Variants in ATP8B3 observed in about 807,000 individuals in gnomAD.
ATP8B3 encodes ATPase phospholipid transporting 8B3.
ATP8B3 carries 141 observed loss-of-function variants against 140.9 expected under a neutral mutation model. That is an observed-to-expected ratio of 1.00 (90% confidence interval 0.87 to 1.15). The LOEUF (loss-of-function observed/expected upper bound fraction) is 1.15, where lower values mean the gene tolerates loss of function less well. Among genes scored for constraint, ATP8B3 ranks in the 50% most tolerant of loss-of-function variants. The pLI, the probability that ATP8B3 is intolerant of heterozygous loss-of-function variation, is 0.00. For synonymous variants in ATP8B3, 765 were observed against 714.6 expected, an observed-to-expected ratio of 1.07 and a Z score of -1.13; for missense variants, 1,874 against 1,740.6, an observed-to-expected ratio of 1.08 and a Z score of -1.36.
rs1219067951 is a variant in ATP8B3 at position 1,789,734 on chromosome 19, G to A, written c.2479-7C>T. 4 of 1,551,288 alleles carry A rather than the reference G, an allele frequency of 2.6e-6. No individual in the cohort carries two copies. The highest frequency in any genetic ancestry group is 2.1e-4 in the Middle Eastern group (1 of 4,810). On this transcript the variant is annotated splice_region_variant and splice_polypyrimidine_tract_variant and intron_variant, in intron 22 of 28. Transcript: ENST00000310127. ...GGGACACCAGCAGTTTGTCCTGGCC[G>A]GCGGGGAGGGGGCTGTGCCAGGCGC...
chr19:1,795,217 T>G (rs1600428535), intron 18 of ATP8B3, among the ~76,000 whole-genome samples: 1 of 151,978 alleles, frequency 6.6e-6, no homozygotes, highest in South Asian at 2.1e-4. Context: ...ATTGCACCAT[T>G]GCACTCCAGC....
chr19:1,787,662 G>A (rs1157414250), intron 24 of ATP8B3, among the ~76,000 whole-genome samples: 11 of 150,384 alleles, frequency 7.3e-5, no homozygotes, highest in African/African-American at 2.7e-4. Context: ...CCAGGAGACG[G>A]AGGTTGCAGT....
intron 14 of ATP8B3, among the ~76,000 whole-genome samples, chr19:1,798,570 C>T (rs2145193135): frequency 6.6e-6 from 1 of 151,640 alleles, no homozygotes; most frequent in African/African-American, 2.4e-5. Context: ...AACCCTGTCT[C>T]TATTAAAAAT....
chr19:1,786,835 A>C (rs2068320956), intron 25 of ATP8B3, among the ~76,000 whole-genome samples: 1 of 151,138 alleles, frequency 6.6e-6, no homozygotes. Context: ...TCCCCATTGC[A>C]TGGATGGGTA....
At chr19:1,796,412 G>A in intron 16 of ATP8B3, 147 bp from the exon 17 acceptor site, 1 of 826,186 alleles carries the variant, frequency 1.2e-6, no homozygotes, top group Non-Finnish European at 1.8e-6. Context: ...GCATGGAGGT[G>A]AGCACTTGAG....
intron 23 of ATP8B3, 58 bp from the exon 24 acceptor site, chr19:1,789,178 C>T (rs1276757356): frequency 8.7e-7 from 1 of 1,154,916 alleles, no homozygotes; most frequent in Non-Finnish European, 1.2e-6. Flanking sequence ...GCCCGCCCCC[C>T]CAGACCCCCG....
rs774383812 is a variant in ATP8B3 at position 1,787,167 on chromosome 19, A to G, written c.3089T>C (p.Phe1030Ser). The G allele has an allele frequency of 2.9e-5, 47 of 1,610,830 alleles. No homozygotes were observed. Among genetic ancestry groups the G allele is most frequent in the Non-Finnish European group, 3.8e-5 (45 of 1,178,446 alleles). Residue 1030 changes from phenylalanine to serine, a missense_variant, in exon 25 of 29, where the codon TTC becomes TCC. Phe to Ser is a radical substitution (Grantham distance 155, BLOSUM62 -2). Around this residue, in one of 3 missense-constraint regions of ATP8B3, gnomAD observed 840 missense variants for 760.9 expected, o/e 1.10. Transcript: ENST00000310127. ...FTGQPLYEGW[F>S]LALFNLLYST... Reference sequence around the variant, plus strand: ...GTACAGGAGGTTGAAAAGAGCCAGGAACCATCCTTCATACAGGGGCTGAGC... The same window carrying G: ...GTACAGGAGGTTGAAAAGAGCCAGGGACCATCCTTCATACAGGGGCTGAGC...
rs564373618 is a variant in ATP8B3, at chr19:1,805,185, G to A, written c.904+189C>T. Reference sequence around the variant, plus strand: ...AGATGGGGTCTCGTTATGTTGTCCAGGCTGGTCTTGAATTCCTGGGCTGAA... The same window carrying A: ...AGATGGGGTCTCGTTATGTTGTCCAAGCTGGTCTTGAATTCCTGGGCTGAA... On this transcript the variant is annotated intron_variant, in intron 10 of 28. Transcript: ENST00000310127. The surrounding 1 kb of genome is among the most constrained non-coding windows in gnomAD (Gnocchi z 5.2). 18 of 654,720 alleles carry A rather than the reference G, an allele frequency of 2.7e-5. No homozygotes were observed. The highest frequency in any genetic ancestry group is 5.3e-5 in the African/African-American group (3 of 56,112). 40.6% of individuals were successfully genotyped at this position (654,720 alleles called of 1,614,324 possible).
chr19:1,783,146 T>C lies in ATP8B3; in HGVS notation c.3785A>G (p.Asn1262Ser). 1 of 1,613,636 alleles carries C rather than the reference T, an allele frequency of 6.2e-7. No homozygotes were observed. Among genetic ancestry groups the C allele is most frequent in the South Asian group, 1.1e-5 (1 of 91,038 alleles). The change falls in exon 29 of 29, where the codon AAC becomes AGC. Residue 1262 changes from asparagine (N) to serine (S), a missense_variant. Physicochemically the swap from Asn to Ser is conservative, Grantham distance 46. Transcript: ENST00000310127. ...YAFSHREGYA[N>S]LITQGTILRR... ...CAGAATTGTGCCCTGAGTGATGAGGTTTGCATATCCCTCACGGTGGGAGAA... is the reference window on the plus strand; with the variant it reads ...CAGAATTGTGCCCTGAGTGATGAGGCTTGCATATCCCTCACGGTGGGAGAA...
chr19:1,782,341 TG>T lies in ATP8B3; in HGVS notation c.*686del, dbSNP rs2068186147. On this transcript the variant is annotated 3_prime_UTR_variant, in exon 29 of 29. Transcript: ENST00000310127. Reference sequence around the variant, plus strand: ...CCGCAGAGGGCAATGACTGCTCCTCTGGGGGCAAGGATAGCTGCTCCTCCCC... The same window carrying T: ...CCGCAGAGGGCAATGACTGCTCCTCTGGGGCAAGGATAGCTGCTCCTCCCC... The T allele has an allele frequency of 3.3e-6, 1 of 304,726 alleles. No individual in the cohort carries two copies. The allele number at this position is 304,726 out of a possible 1,614,324, so 18.9% of individuals were successfully genotyped here. A position where few individuals can be genotyped will look rare whatever the true frequency, so the allele number is the denominator to read the frequency against.
rs181880881 is a variant in ATP8B3, at chr19:1,789,768, C to T, written c.2479-41G>A. 1.2e-3 allele frequency: 1,888 copies of T among 1,548,492 alleles called. 22 individuals are homozygous for T. In the African/African-American group the frequency reaches 0.021, roughly 17 times the overall value. ...GGGGCTGTGCCAGGCGCCGTGGCCTCCAGGCCAGACTGGACCCTACCCGGC... is the reference window on the plus strand; with the variant it reads ...GGGGCTGTGCCAGGCGCCGTGGCCTTCAGGCCAGACTGGACCCTACCCGGC... On this transcript the variant is annotated intron_variant, in intron 22 of 28. Transcript: ENST00000310127.
Position 1,802,521 on chromosome 19 carries a change from GT to G in ATP8B3, c.1028del (p.Asn343ThrfsTer19). 6.2e-7 allele frequency: 1 copy of G among 1,605,118 alleles called. No homozygotes were observed. Among genetic ancestry groups the G allele is most frequent in the East Asian group, 2.2e-5 (1 of 44,530 alleles). ...TGACCAGTCCATAGCAGGTGTCTGT[GT>G]TGCGAATCCTGCAGCCTCGGAGGAG... ...NLLLRGCRIR[N>X]TDTCYGLVIY... On this transcript the variant is annotated frameshift_variant, in exon 11 of 29. Coordinates refer to ENST00000310127, the MANE Select transcript of ATP8B3 (RefSeq NM_138813.4). LOFTEE classifies it high-confidence loss of function.
rs972968978 is a variant in ATP8B3 at position 1,796,594 on chromosome 19, C to T, written c.1753+117G>A. Reference sequence around the variant, plus strand: ...GCGGCTGGTGTCACACCGGCCTCAGCGCCCCCCAAGCCAGCTGAAAGCCCT... The same window carrying T: ...GCGGCTGGTGTCACACCGGCCTCAGTGCCCCCCAAGCCAGCTGAAAGCCCT... On this transcript the variant is annotated intron_variant, in intron 16 of 28. Coordinates refer to ENST00000310127, the MANE Select transcript of ATP8B3 (RefSeq NM_138813.4). The T allele has an allele frequency of 1.6e-5, 21 of 1,336,466 alleles. No individual in the cohort carries two copies. In the East Asian group the frequency reaches 2.2e-4, roughly 14 times the overall value. 82.8% of individuals were successfully genotyped at this position (1,336,466 alleles called of 1,614,324 possible).
chr19:1,810,847 G>A (rs933736673), intron 2 of ATP8B3, among the ~76,000 whole-genome samples, 164 bp from the exon 3 acceptor site: 1 of 152,154 alleles, frequency 6.6e-6, no homozygotes, highest in African/African-American at 2.4e-5. Flanking sequence ...GCCATAGGCT[G>A]TGTGTCTTGC....
Position 1,785,178 on chromosome 19 carries a change from G to A in ATP8B3, c.3513C>T (p.Pro1171=), listed in dbSNP as rs547355137. The A allele has an allele frequency of 1.1e-5, 18 of 1,591,592 alleles. No individual in the cohort carries two copies. The Admixed American group carries it at 2.7e-4, about 24-fold the overall frequency. The change falls in exon 27 of 29, where the codon CCC becomes CCT. Residue 1171 remains proline (P), a synonymous_variant. Transcript: ENST00000310127. Reference sequence around the variant, plus strand: ...GCTCACACAGAAACGGGAAGGTCGTGGGGGATACTCTGAAGAGCCAGAAGC... The same window carrying A: ...GCTCACACAGAAACGGGAAGGTCGTAGGGGATACTCTGAAGAGCCAGAAGC... ...TQSFWLFRVS[P]TTFPFLYADL...
rs749291619 is a variant in ATP8B3 at position 1,799,990 on chromosome 19, G to C, written c.1509C>G (p.Asn503Lys). 1 of 1,606,498 alleles carries C rather than the reference G, an allele frequency of 6.2e-7. No individual in the cohort carries two copies. The highest frequency in any genetic ancestry group is 2.2e-5 in the East Asian group (1 of 44,742). Residue 503 changes from asparagine to lysine, a missense_variant, in exon 14 of 29, where the codon AAC (asparagine) becomes AAG (lysine). This residue lies in a region of ATP8B3 where 1,032 missense variants were observed against 963.6 expected (regional missense o/e 1.07). Transcript: ENST00000310127. ...FSDKTGTLTQ[N>K]ILTFNKCCIS... is the part of the protein sequence containing the mutation. ...TGCAGCACTTGTTGAAGGTCAAGAT[G>C]TTCTGCGTGAGCGTGCCCGTCTTGT...
chr19:1,786,964 G>C lies in ATP8B3; in HGVS notation c.3153+139C>G, dbSNP rs2068325254. ...AGGTCAATGGCAGTGGGCAGGGAGA[G>C]GTACTGGACTGCACCCCCTGAGCCC... On this transcript the variant is annotated intron_variant, in intron 25 of 28. Coordinates refer to ENST00000310127, the MANE Select transcript of ATP8B3 (RefSeq NM_138813.4). 4.3e-6 allele frequency: 3 copies of C among 692,458 alleles called. No homozygotes were observed. In the South Asian group the frequency reaches 5.8e-5, roughly 13 times the overall value. The allele number at this position is 692,458 out of a possible 1,614,324, so 42.9% of individuals were successfully genotyped here.
chr19:1,792,166 A>C (rs373282495), intron 18 of ATP8B3, 31 bp from the exon 19 acceptor site: 204 of 1,541,790 alleles, frequency 1.3e-4, no homozygotes, highest in Non-Finnish European at 1.7e-4. Flanking sequence ...AGCTGTCACC[A>C]TGCTGAAGCC....
At chr19:1,802,069 A>AGC in intron 11 of ATP8B3, 25 bp from the exon 12 acceptor site, 1 of 1,112,376 alleles carries the variant, frequency 9.0e-7, no homozygotes, top group Non-Finnish European at 1.2e-6. Context: ...CCATCTATCC[A>AGC]CCCACCCACC....
Sources: allele counts gnomAD v4.1 joint callset (sites outside exome capture counted in the v4.1 genomes callset), GRCh38; gene constraint gnomAD v4.1.1; regional missense constraint gnomAD v4.1.1; non-coding constraint Gnocchi (gnomAD v3.1); transcripts MANE v1.5; gene names NCBI Gene and HGNC (gene_info 2026-07-23, HGNC 2026-07-21).